COL26A1: variants seen among roughly 807,000 people sequenced by gnomAD.
The protein encoded by COL26A1 is collagen alpha-1(XXVI) chain.
A neutral mutation model predicts 59.3 loss-of-function variants in COL26A1; 41 were observed. The observed-to-expected ratio is 0.69, with a 90% CI of 0.54 to 0.90. COL26A1 has a LOEUF of 0.90. Among genes scored for constraint, COL26A1 ranks in the 40% least tolerant of loss-of-function variants. COL26A1 has a pLI of 0.00. For synonymous variants in COL26A1, 266 were observed against 256.0 expected, an observed-to-expected ratio of 1.04 and a Z score of -0.37; for missense variants, 612 against 602.3, an observed-to-expected ratio of 1.02 and a Z score of -0.17.
At chr7:101,366,091 G>A (rs1389196145) in intron 1 of COL26A1, among the ~76,000 whole-genome samples, 2 of 152,202 alleles carry the variant, frequency 1.3e-5, no homozygotes, top group Non-Finnish European at 2.9e-5. Context: ...TGTGGGCAAT[G>A]GATTCCTAAA....
rs540072465 is a variant in COL26A1 at position 101,404,793 on chromosome 7, G to A, written c.159-15184G>A. Reference sequence around the variant, plus strand: ...GATACGCGCCTGTGGTTCCAGCTACGCAGGAGGCTGAAGAGGGAGGATTGC... The same window carrying A: ...GATACGCGCCTGTGGTTCCAGCTACACAGGAGGCTGAAGAGGGAGGATTGC... On this transcript the variant is annotated intron_variant, in intron 1 of 12. Transcript: ENST00000313669. 6.0e-5 allele frequency among the ~76,000 whole-genome samples: 9 copies of A among 150,846 alleles called. No individual in the cohort carries two copies. The East Asian group carries it at 7.7e-4, about 13-fold the overall frequency.
At position 101,426,962 on chromosome 7, in the gene COL26A1, C is replaced by T. The variant is rs148027632; in HGVS notation, c.281+6863C>T. ...GTGTGGTACTCTGTTGCTTACCATC[C>T]TGCCTGCTCAGTGTGTCTTGCTACA... On this transcript the variant is annotated intron_variant, in intron 2 of 12. Transcript: ENST00000313669. Among the ~76,000 whole-genome samples, 266 of 152,316 alleles carry T rather than the reference C, an allele frequency of 1.7e-3. 1 individual carries two copies. The highest frequency in any genetic ancestry group is 3.3e-3 in the South Asian group (16 of 4,826).
Position 101,545,705 on chromosome 7 carries a change from G to T in COL26A1, c.856+215G>T, listed in dbSNP as rs913440950. On this transcript the variant is annotated intron_variant, in intron 7 of 12. Coordinates refer to ENST00000313669, the MANE Select transcript of COL26A1 (RefSeq NM_001278563.3). Reference sequence around the variant, plus strand: ...TGACAGGGAACAGCTTGGGAGCAAGGCTTGGTCCTGGGGCTAAGCATCCTC... The same window carrying T: ...TGACAGGGAACAGCTTGGGAGCAAGTCTTGGTCCTGGGGCTAAGCATCCTC... 3.9e-5 allele frequency among the ~76,000 whole-genome samples: 6 copies of T among 152,306 alleles called. No homozygotes were observed. In the East Asian group the frequency reaches 9.7e-4, roughly 25 times the overall value.
chr7:101,540,814 C>T (rs1795598981), intron 5 of COL26A1, among the ~76,000 whole-genome samples: 1 of 151,964 alleles, frequency 6.6e-6, no homozygotes, highest in African/African-American at 2.4e-5. Flanking sequence ...TGCAATCCAG[C>T]CTGGAAGACG....
At chr7:101,365,775 A>G (rs1305403519) in intron 1 of COL26A1, among the ~76,000 whole-genome samples, 1 of 151,562 alleles carries the variant, frequency 6.6e-6, no homozygotes, top group East Asian at 1.9e-4. Flanking sequence ...TTTTGCAAGG[A>G]GCGTATATTC....
intron 3 of COL26A1, among the ~76,000 whole-genome samples, chr7:101,468,891 G>GGCTCCCATTAA (rs1793828411): frequency 6.6e-6 from 1 of 152,172 alleles, no homozygotes; most frequent in Admixed American, 6.5e-5. Flanking sequence ...TCCCAGGCCT[G>GGCTCCCATTAA]GCTCCCATTA....
intron 1 of COL26A1, among the ~76,000 whole-genome samples, chr7:101,393,375 G>GT (rs1791778806): frequency 6.6e-6 from 1 of 152,180 alleles, no homozygotes; most frequent in African/African-American, 2.4e-5. Context: ...GGAGTTGGAT[G>GT]TTTCAGGGCA....
At chr7:101,366,498 TTTTTTTTTTTTTTTTTTTTA>T (rs1178725221) in intron 1 of COL26A1, among the ~76,000 whole-genome samples, 17,662 of 61,812 alleles carry the variant, frequency 0.29, 2,145 homozygotes, top group South Asian at 0.37. Context: ...TTTTTTTTTT[TTTTTTTTTTTTTTTTTTTTA>T]AAGACAGGGT....
chr7:101,385,283 A>AT (rs1791542299), intron 1 of COL26A1, among the ~76,000 whole-genome samples: 1 of 150,492 alleles, frequency 6.6e-6, no homozygotes, highest in Admixed American at 6.7e-5. Context: ...GTATATATAT[A>AT]GTATGTGTGT....
chr7:101,400,748 C>T lies in COL26A1; in HGVS notation c.159-19229C>T, dbSNP rs1206534796. ...TAAGTTTTGTATTTTTAGTAGAGAC[C>T]GGGTTTCACCATGTTGGCCAGGCTG... is the stretch of plus-strand genomic sequence containing the variant. On this transcript the variant is annotated intron_variant, in intron 1 of 12. Transcript: ENST00000313669. Among the ~76,000 whole-genome samples the T allele has an allele frequency of 3.3e-5, 5 of 151,876 alleles. No individual in the cohort carries two copies. The East Asian group carries it at 7.8e-4, about 24-fold the overall frequency.
intron 2 of COL26A1, among the ~76,000 whole-genome samples, chr7:101,438,360 C>T (rs912223912): frequency 6.8e-6 from 1 of 147,660 alleles, no homozygotes; most frequent in Non-Finnish European, 1.5e-5. Context: ...GACTCCGTCT[C>T]AAAAAAAAAT....
intron 4 of COL26A1, among the ~76,000 whole-genome samples, chr7:101,535,080 C>T (rs1795453613): frequency 6.6e-6 from 1 of 152,190 alleles, no homozygotes; most frequent in African/African-American, 2.4e-5. Context: ...CTTCCCTTGT[C>T]CTCCAGCCCT....
intron 3 of COL26A1, among the ~76,000 whole-genome samples, chr7:101,466,837 TGA>T (rs1554416674): frequency 1.6e-4 from 20 of 122,708 alleles, no homozygotes; most frequent in South Asian, 5.4e-4. Flanking sequence ...TGTGTGTGTG[TGA>T]GAGAGAGAGA....
intron 3 of COL26A1, among the ~76,000 whole-genome samples, chr7:101,526,909 C>A (rs1490135567): frequency 2.0e-5 from 3 of 152,214 alleles, no homozygotes; most frequent in Non-Finnish European, 4.4e-5. Context: ...TCCTGGCCAA[C>A]TTAGACCCAG....
intron 3 of COL26A1, among the ~76,000 whole-genome samples, chr7:101,455,512 T>C (rs561933253): frequency 1.4e-5 from 2 of 147,132 alleles, no homozygotes; most frequent in Admixed American, 1.3e-4. Context: ...TCTTTTTTTT[T>C]TTTTTTTTGA....
intron 5 of COL26A1, among the ~76,000 whole-genome samples, chr7:101,541,537 A>G (rs1795617847): frequency 6.7e-6 from 1 of 149,118 alleles, no homozygotes; most frequent in Non-Finnish European, 1.5e-5. Flanking sequence ...TTTTTAGTAG[A>G]GACGAGGTCT....
intron 10 of COL26A1, 76 bp from the exon 11 acceptor site, chr7:101,553,250 C>A: frequency 2.9e-6 from 4 of 1,358,010 alleles, no homozygotes; most frequent in South Asian, 2.5e-5. Context: ...TCCCTGCAGG[C>A]CCCCAGGGAA....
At chr7:101,499,502 G>C (rs1794655860) in intron 3 of COL26A1, among the ~76,000 whole-genome samples, 1 of 152,124 alleles carries the variant, frequency 6.6e-6, no homozygotes, top group South Asian at 2.1e-4. Context: ...TGGCCAACCT[G>C]GTGAAACCCC....
intron 5 of COL26A1, among the ~76,000 whole-genome samples, chr7:101,540,281 T>C (rs1795585908): frequency 6.6e-6 from 1 of 152,244 alleles, no homozygotes; most frequent in Non-Finnish European, 1.5e-5. Context: ...CTCATGCCTG[T>C]AATCCCAACA....
Sources: allele counts gnomAD v4.1 joint callset (sites outside exome capture counted in the v4.1 genomes callset), GRCh38; gene constraint gnomAD v4.1.1; transcripts MANE v1.5; gene names NCBI Gene and HGNC (gene_info 2026-07-23, HGNC 2026-07-21).